Variants in ZNF790 observed in about 807,000 individuals in gnomAD.
ZNF790 encodes zinc finger protein 790.
In ZNF790, 8 loss-of-function variants were observed where a neutral mutation model predicts 12.1. That is an observed-to-expected ratio of 0.66 (90% confidence interval 0.39 to 1.19). ZNF790 has a LOEUF of 1.19. Ranked by LOEUF, ZNF790 falls within the 50% of genes most tolerant of loss-of-function variation. The pLI is 0.01. For missense variants in ZNF790, 707 were observed against 752.2 expected (o/e 0.94, Z 0.70); for synonymous variants, 252 against 244.3 (o/e 1.03, Z -0.29).
At chr19:36,825,274 A>T (rs1453636585) in intron 2 of ZNF790, among the ~76,000 whole-genome samples, 1 of 152,238 alleles carries the variant, frequency 6.6e-6, no homozygotes, top group African/African-American at 2.4e-5. Flanking sequence ...AAAAGCCTTT[A>T]TGTAGTATGT....
chr19:36,826,620 C>CTGTA (rs2071807450), intron 1 of ZNF790, among the ~76,000 whole-genome samples: 2 of 144,824 alleles, frequency 1.4e-5, no homozygotes, highest in Admixed American at 6.9e-5. Context: ...TTATAATTAT[C>CTGTA]TATAATTATA....
rs768258012 is a variant in ZNF790, at chr19:36,825,659, T to C, written c.-40A>G. 6 of 1,613,500 alleles carry C rather than the reference T, an allele frequency of 3.7e-6. No homozygotes were observed. The highest frequency in any genetic ancestry group is 1.6e-4 in the Middle Eastern group (1 of 6,062). ...AGTCCACCAGTCCTTCTCTGGATTCTTTCTTGGTGAGGCAGCGTGCTGGGA... is the reference window on the plus strand; with the variant it reads ...AGTCCACCAGTCCTTCTCTGGATTCCTTCTTGGTGAGGCAGCGTGCTGGGA... On this transcript the variant is annotated 5_prime_UTR_variant, in exon 2 of 5. Transcript: ENST00000356725.
chr19:36,850,735 G>C (rs572921400), upstream of ZNF790: 33 of 152,402 alleles, frequency 2.2e-4, no homozygotes, highest in Admixed American at 1.8e-3. Flanking sequence ...CAGAGTCCGC[G>C]CCAGGGGAAT....
chr19:36,818,327 G>T lies in ZNF790; in HGVS notation c.*106C>A. On this transcript the variant is annotated 3_prime_UTR_variant, in exon 5 of 5. Coordinates refer to ENST00000356725, the MANE Select transcript of ZNF790 (RefSeq NM_206894.4). ...TGCTGGATGTGTGCTCTGTTAAAAT[G>T]CCTTCCAATATTACTTACATTTGTG... The T allele has an allele frequency of 8.9e-7, 1 of 1,120,936 alleles. No individual in the cohort carries two copies. The highest frequency in any genetic ancestry group is 1.2e-6 in the Non-Finnish European group (1 of 820,144). The allele number at this position is 1,120,936 out of a possible 1,614,324, so 69.4% of individuals were successfully genotyped here.
At chr19:36,838,670 A>T (rs554260978), upstream of ZNF790, among the ~76,000 whole-genome samples, 2 of 152,286 alleles carry the variant, frequency 1.3e-5, no homozygotes, top group African/African-American at 4.8e-5. The surrounding 1 kb of genome is among the most constrained non-coding windows in gnomAD (Gnocchi z 4.4). Context: ...TGGGAACAGG[A>T]CAGTAAGCCC....
chr19:36,842,990 G>A (rs2072143463), upstream of ZNF790, among the ~76,000 whole-genome samples: 1 of 135,026 alleles, frequency 7.4e-6, no homozygotes, highest in Non-Finnish European at 1.5e-5. Flanking sequence ...TGGCAACAGT[G>A]AGACTCCATC....
intron 1 of ZNF790, chr19:36,827,945 T>C (rs1050644204): frequency 1.3e-5 from 2 of 152,158 alleles, no homozygotes; most frequent in African/African-American, 4.8e-5. Context: ...AAGACTGATA[T>C]ACATAATCTG....
intron 1 of ZNF790, among the ~76,000 whole-genome samples, chr19:36,826,279 C>T (rs879775668): frequency 6.6e-6 from 1 of 151,886 alleles, no homozygotes; most frequent in Non-Finnish European, 1.5e-5. Flanking sequence ...TTGTGAAGCA[C>T]GAACTTTTAT....
intron 4 of ZNF790, among the ~76,000 whole-genome samples, chr19:36,820,332 A>G (rs1372025985): frequency 3.9e-5 from 6 of 152,214 alleles, no homozygotes; most frequent in African/African-American, 1.2e-4. Context: ...TTTTATTTTG[A>G]TCATATTCAT....
intron 1 of ZNF790, among the ~76,000 whole-genome samples, chr19:36,827,078 ATGTGTGTATATATGTGTG>A (rs1254620972): frequency 8.2e-6 from 1 of 121,970 alleles, no homozygotes; most frequent in Non-Finnish European, 1.8e-5. Context: ...TTGTGTGTGT[ATGTGTGTATATATGTGTG>A]TGTGTGTATA....
At chr19:36,844,819 C>T (rs1295141659) in intron 1 of ZNF790, among the ~76,000 whole-genome samples, 3 of 151,316 alleles carry the variant, frequency 2.0e-5, no homozygotes, top group Non-Finnish European at 2.9e-5. Flanking sequence ...GAGGCCGAGG[C>T]GGGCGGATCA....
At chr19:36,845,170 CAATCTG>C (rs2072168891) in intron 1 of ZNF790, among the ~76,000 whole-genome samples, 1 of 151,054 alleles carries the variant, frequency 6.6e-6, no homozygotes, top group Admixed American at 6.6e-5. Flanking sequence ...GTAATCCCAG[CAATCTG>C]GGAGGCCAAG....
At chr19:36,832,368 T>A (rs560230607) in intron 1 of ZNF790, among the ~76,000 whole-genome samples, 33 of 152,328 alleles carry the variant, frequency 2.2e-4, no homozygotes, top group Non-Finnish European at 3.4e-4. Context: ...GATTAACTTG[T>A]ATAGCAATAA....
chr19:36,820,200 G>C, intron 4 of ZNF790, 86 bp from the exon 5 acceptor site: 2 of 1,406,628 alleles, frequency 1.4e-6, no homozygotes, highest in Non-Finnish European at 1.9e-6. Context: ...AAATCTTGAA[G>C]TAAAGCATAT....
At chr19:36,836,058 C>A (rs1224344675) in intron 1 of ZNF790, among the ~76,000 whole-genome samples, 2 of 151,974 alleles carry the variant, frequency 1.3e-5, no homozygotes, top group Non-Finnish European at 2.9e-5. Context: ...TTCTGCCTAC[C>A]TTGACCCCCC....
chr19:36,844,199 T>TAC (rs1425989419), intron 1 of ZNF790, among the ~76,000 whole-genome samples: 1 of 151,394 alleles, frequency 6.6e-6, no homozygotes, highest in East Asian at 1.9e-4. Flanking sequence ...TGGTCCCAGC[T>TAC]ACTTGTGAAG....
At position 36,819,605 on chromosome 19, in the gene ZNF790, T is replaced by C; in HGVS notation, c.739A>G (p.Ile247Val). ...TTAAAAGGTTTCTCACCGGTATGAATTCTCTTATGACCAGTAAGACTCGAA... is the reference window on the plus strand; with the variant it reads ...TTAAAAGGTTTCTCACCGGTATGAACTCTCTTATGACCAGTAAGACTCGAA... The part of the protein sequence containing the change: ...LRSSLTGHKR[I>V]HTGEKPFKCK... The change falls in exon 5 of 5, where the codon ATT (isoleucine) becomes GTT (valine). Residue 247 changes from isoleucine to valine, a missense_variant. Ile to Val is a conservative substitution (Grantham distance 29, BLOSUM62 3). Transcript: ENST00000356725. 1 of 1,608,606 alleles carries C rather than the reference T, an allele frequency of 6.2e-7. No homozygotes were observed. Among genetic ancestry groups the C allele is most frequent in the Non-Finnish European group, 8.5e-7 (1 of 1,177,474 alleles).
At chr19:36,831,151 C>A (rs2071937600) in intron 1 of ZNF790, among the ~76,000 whole-genome samples, 1 of 151,682 alleles carries the variant, frequency 6.6e-6, no homozygotes, top group South Asian at 2.1e-4. Context: ...ACAACAACAA[C>A]AACAACAACA....
intron 3 of ZNF790, 32 bp from the exon 4 acceptor site, chr19:36,823,412 A>G: frequency 1.9e-6 from 3 of 1,597,294 alleles, no homozygotes; most frequent in East Asian, 4.5e-5. Flanking sequence ...GCAAAGAACC[A>G]CATTGTAAAG....
Sources: gnomAD v4.1 joint callset for allele counts (sites outside exome capture counted in the v4.1 genomes callset) on GRCh38, gnomAD v4.1.1 for gene constraint, Gnocchi (gnomAD v3.1) non-coding constraint, MANE v1.5 for transcripts, NCBI Gene and HGNC (gene_info 2026-07-23, HGNC 2026-07-21) for gene names.